The following APP variants were observed in gnomAD, a reference collection of about 807,000 sequenced individuals.
APP encodes the protein amyloid-beta precursor protein.
In APP, 31 loss-of-function variants were observed where a neutral mutation model predicts 101.4. The observed-to-expected ratio is 0.31, with a 90% CI of 0.23 to 0.41. The LOEUF (loss-of-function observed/expected upper bound fraction) is 0.41, where lower values mean the gene tolerates loss of function less well. Among genes scored for constraint, APP ranks in the 10% least tolerant of loss-of-function variants. The pLI, the probability that APP is intolerant of heterozygous loss-of-function variation, is 1.00. For synonymous variants in APP, 366 were observed against 364.4 expected (o/e 1.00, Z -0.05); for missense variants, 839 against 1,003.7 (o/e 0.84, Z 2.22).
rs528250716 is a variant in APP at position 26,133,336 on chromosome 21, G to A, written c.58-21190C>T. On this transcript the variant is annotated intron_variant, in intron 1 of 17. Coordinates refer to ENST00000346798, the MANE Select transcript of APP (RefSeq NM_000484.4). ...ATATGCAATTTTTATTAACACACTTGCCAATATCCTCATTTTAGGACTAGT... is the reference window on the plus strand; with the variant it reads ...ATATGCAATTTTTATTAACACACTTACCAATATCCTCATTTTAGGACTAGT... Among the ~76,000 whole-genome samples the A allele has an allele frequency of 3.3e-4, 51 of 152,288 alleles. No individual in the cohort carries two copies. The South Asian group carries it at 5.6e-3, about 17-fold the overall frequency.
chr21:26,125,202 T>A (rs1189182364), intron 1 of APP, among the ~76,000 whole-genome samples: 1 of 152,170 alleles, frequency 6.6e-6, no homozygotes, highest in Non-Finnish European at 1.5e-5. Flanking sequence ...TGGGAGCTGC[T>A]GCCACATTCC....
At chr21:26,035,374 C>T (rs1423661928) in intron 5 of APP, among the ~76,000 whole-genome samples, 15 of 151,904 alleles carry the variant, frequency 9.9e-5, no homozygotes, top group East Asian at 1.9e-4. Flanking sequence ...TCTGTCAGCC[C>T]GGGGGTTAGC....
chr21:25,949,639 G>C (rs2040977915), intron 13 of APP, among the ~76,000 whole-genome samples: 1 of 152,074 alleles, frequency 6.6e-6, no homozygotes, highest in African/African-American at 2.4e-5. Context: ...AAAGTACCAG[G>C]GTCCTTGCTG....
In APP at chr21:26,010,820, CAAAAA is replaced by C. The variant is rs58036272; in HGVS notation, c.866-10643_866-10639del. 9.1e-4 allele frequency among the ~76,000 whole-genome samples: 50 copies of C among 54,834 alleles called. No homozygotes were observed. The East Asian group carries it at 0.021, about 23-fold the overall frequency. 36.0% of individuals were successfully genotyped at this position (54,834 alleles called of 152,430 possible). On this transcript the variant is annotated intron_variant, in intron 6 of 17. Coordinates refer to ENST00000346798, the MANE Select transcript of APP (RefSeq NM_000484.4). ...TGGGTGACAGAGTGAGACTTCGTCT[CAAAAA>C]AAAAAAAAAAAAAAAAAGCAAAAAA...
chr21:25,926,997 C>G (rs1402233908), intron 13 of APP, among the ~76,000 whole-genome samples: 3 of 78,438 alleles, frequency 3.8e-5, no homozygotes, highest in Admixed American at 3.2e-4. Context: ...AGTGAGACTC[C>G]GTCTCAAAAA....
intron 5 of APP, among the ~76,000 whole-genome samples, chr21:26,044,618 C>A (rs2045524969): frequency 6.6e-6 from 1 of 152,174 alleles, no homozygotes; most frequent in African/African-American, 2.4e-5. Flanking sequence ...TGGCTCACTG[C>A]AACCTCTGCC....
At chr21:25,912,026 G>T (rs539082692) in intron 13 of APP, 64 bp from the exon 14 acceptor site, 2 of 1,300,038 alleles carry the variant, frequency 1.5e-6, no homozygotes, top group African/African-American at 1.5e-5. Flanking sequence ...AGCAGCAGCA[G>T]CCACCATTTA....
At chr21:26,054,507 C>T (rs9982732) in intron 3 of APP, among the ~76,000 whole-genome samples, 66,674 of 151,716 alleles carry the variant, frequency 0.44, 16,849 homozygotes, top group African/African-American at 0.68. Context: ...AAGCAGAAAG[C>T]AAGTGGCAAA....
At chr21:26,070,594 G>A (rs2061392842) in intron 3 of APP, among the ~76,000 whole-genome samples, 1 of 152,082 alleles carries the variant, frequency 6.6e-6, no homozygotes, top group Admixed American at 6.5e-5. Flanking sequence ...GGAGCGTAAA[G>A]CTACCACTTA....
chr21:26,043,878 G>A (rs530128991), intron 5 of APP, among the ~76,000 whole-genome samples: 2 of 151,476 alleles, frequency 1.3e-5, no homozygotes, highest in Non-Finnish European at 2.9e-5. Flanking sequence ...AAATTTAATC[G>A]ACTAAAACTC....
chr21:25,941,512 T>TGTC (rs2040576394), intron 13 of APP: 1 of 152,316 alleles, frequency 6.6e-6, no homozygotes, highest in South Asian at 2.1e-4. Context: ...AGTCTCGCTC[T>TGTC]GTCGCCCAGG....
Position 25,881,444 on chromosome 21 carries a change from A to C in APP, c.*226T>G, listed in dbSNP as rs983695777. Reference sequence around the variant, plus strand: ...TTACAGTACACAAAACCCATTAATAATGTAGTATAGAGACCAAAATGTAAA... The same window carrying C: ...TTACAGTACACAAAACCCATTAATACTGTAGTATAGAGACCAAAATGTAAA... On this transcript the variant is annotated 3_prime_UTR_variant, in exon 18 of 18. Transcript: ENST00000346798. The C allele has an allele frequency of 2.8e-5, 17 of 596,762 alleles. No individual in the cohort carries two copies. The highest frequency in any genetic ancestry group is 5.1e-5 in the Non-Finnish European group (17 of 334,948). 37.0% of individuals were successfully genotyped at this position (596,762 alleles called of 1,614,324 possible).
chr21:26,150,640 G>T (rs1452129077), intron 1 of APP, among the ~76,000 whole-genome samples: 2 of 152,166 alleles, frequency 1.3e-5, no homozygotes, highest in African/African-American at 4.8e-5. Context: ...CAGACAGACA[G>T]ACAGATTGAC....
At chr21:26,081,400 G>A (rs574076187) in intron 3 of APP, among the ~76,000 whole-genome samples, 21 of 146,910 alleles carry the variant, frequency 1.4e-4, no homozygotes, top group African/African-American at 4.5e-4. Flanking sequence ...TCTCTGGGGG[G>A]CAGGGGTGGG....
At chr21:26,106,910 A>G (rs926419055) in intron 2 of APP, among the ~76,000 whole-genome samples, 1 of 152,206 alleles carries the variant, frequency 6.6e-6, no homozygotes, top group Non-Finnish European at 1.5e-5. Flanking sequence ...CACAGGGTCA[A>G]CAATGACCTT....
intron 11 of APP, among the ~76,000 whole-genome samples, chr21:25,972,844 A>T (rs1389174670): frequency 1.3e-5 from 2 of 152,326 alleles, no homozygotes; most frequent in East Asian, 3.9e-4. Context: ...ATTAAAAAAT[A>T]ACTGTTTAAA....
intron 13 of APP, among the ~76,000 whole-genome samples, chr21:25,931,123 C>T (rs1184616745): frequency 6.6e-6 from 1 of 152,144 alleles, no homozygotes; most frequent in Non-Finnish European, 1.5e-5. Flanking sequence ...TTGAAGGGCT[C>T]ATGGTTCAGA....
chr21:26,082,188 C>T (rs2061612565), intron 3 of APP, among the ~76,000 whole-genome samples: 1 of 152,138 alleles, frequency 6.6e-6, no homozygotes, highest in African/African-American at 2.4e-5. Flanking sequence ...CATTGCACTC[C>T]AGCCGGGGCA....
At chr21:26,136,154 GA>G (rs150223821) in intron 1 of APP, among the ~76,000 whole-genome samples, 1 of 64,852 alleles carries the variant, frequency 1.5e-5, no homozygotes, top group African/African-American at 1.1e-4. Context: ...GAAAAGAAAA[GA>G]AAAGAAAAGA....
Sources: gnomAD v4.1 joint callset for allele counts (sites outside exome capture counted in the v4.1 genomes callset) on GRCh38, gnomAD v4.1.1 for gene constraint, MANE v1.5 for transcripts, NCBI Gene and HGNC (gene_info 2026-07-23, HGNC 2026-07-21) for gene names.